SHCBP1L: variants seen among roughly 807,000 people sequenced by gnomAD.
The protein encoded by SHCBP1L is testicular spindle-associated protein SHCBP1L.
Under a neutral mutation model 62.5 loss-of-function variants are expected in SHCBP1L, and 67 were observed. That is an observed-to-expected ratio of 1.07 (90% CI 0.88 to 1.31). SHCBP1L has a LOEUF of 1.31. Ranked by LOEUF, SHCBP1L falls within the 40% of genes most tolerant of loss-of-function variation. SHCBP1L has a pLI of 0.00. For synonymous variants in SHCBP1L, 284 were observed against 289.4 expected (o/e 0.98, Z 0.19); for missense variants, 823 against 809.8 (o/e 1.02, Z -0.20).
chr1:182,920,516 G>A (rs1650495851), intron 6 of SHCBP1L, among the ~76,000 whole-genome samples: 1 of 152,214 alleles, frequency 6.6e-6, no homozygotes, highest in African/African-American at 2.4e-5. Flanking sequence ...AAGCCAGAGT[G>A]TCTTCTTACC....
chr1:182,940,010 G>A (rs1160955644), intron 3 of SHCBP1L, among the ~76,000 whole-genome samples: 4 of 151,982 alleles, frequency 2.6e-5, no homozygotes, highest in African/African-American at 7.2e-5. Flanking sequence ...AGAAATGAAT[G>A]TTAATAAATT....
At position 182,900,125 on chromosome 1, in the gene SHCBP1L, T is replaced by C. The variant is rs920134006; in HGVS notation, c.1820A>G (p.Glu607Gly). 6.2e-7 allele frequency: 1 copy of C among 1,612,620 alleles called. No homozygotes were observed. The highest frequency in any genetic ancestry group is 8.5e-7 in the Non-Finnish European group (1 of 1,179,202). ...TGAAGAAGCCCTTTTGTTGAGAGCTTCTTCTGCTACGATAAAAAACTGTTC... is the reference window on the plus strand; with the variant it reads ...TGAAGAAGCCCTTTTGTTGAGAGCTCCTTCTGCTACGATAAAAAACTGTTC... ...PMEQFFIVAE[E>G]ALNKRASSGD... is the part of the protein sequence containing the mutation. The change falls in exon 10 of 10, where the codon GAA (glutamate) becomes GGA (glycine). Residue 607 changes from glutamate to glycine, a missense_variant. Transcript: ENST00000367547.
At position 182,951,398 on chromosome 1, in the gene SHCBP1L, C is replaced by G; in HGVS notation, c.475G>C (p.Gly159Arg). The G allele has an allele frequency of 6.2e-7, 1 of 1,609,524 alleles. No individual in the cohort carries two copies. The highest frequency in any genetic ancestry group is 1.3e-5 in the African/African-American group (1 of 74,962). The change falls in exon 2 of 10, where the codon GGA becomes CGA. Residue 159 changes from glycine (G) to arginine (R), a missense_variant. By Grantham distance (125) the Gly-to-Arg change is moderately radical. Transcript: ENST00000367547. ...EKLKLKDKWL[G>R]VWKTNPSVFF... ...ACACTGGGATTAGTCTTCCAGACTCCAAGCCATTTGTCTTTCAACTTTAAT... is the reference window on the plus strand; with the variant it reads ...ACACTGGGATTAGTCTTCCAGACTCGAAGCCATTTGTCTTTCAACTTTAAT...
At chr1:182,948,089 A>G (rs1032735183) in intron 2 of SHCBP1L, among the ~76,000 whole-genome samples, 38 of 152,252 alleles carry the variant, frequency 2.5e-4, no homozygotes, top group African/African-American at 9.2e-4. Flanking sequence ...ATACGATATC[A>G]GCAAGGCTTC....
chr1:182,920,578 GAC>G (rs1650498894), intron 6 of SHCBP1L, among the ~76,000 whole-genome samples: 1 of 152,160 alleles, frequency 6.6e-6, no homozygotes, highest in Non-Finnish European at 1.5e-5. Flanking sequence ...AGGCTGAAAT[GAC>G]AGACAGAATA....
At position 182,940,310 on chromosome 1, in the gene SHCBP1L, A is replaced by G. The variant is rs113410294; in HGVS notation, c.770+19T>C. ...TTGGATATAATAAATTTAATTTTCA[A>G]AAGTAAAGGCCCTAATACCTGACAA... On this transcript the variant is annotated intron_variant, in intron 3 of 9. Transcript: ENST00000367547. The G allele has an allele frequency of 3.8e-6, 6 of 1,584,614 alleles. No individual in the cohort carries two copies. The highest frequency in any genetic ancestry group is 1.4e-5 in the African/African-American group (1 of 73,566).
chr1:182,902,430 T>C (rs199671531), intron 9 of SHCBP1L, among the ~76,000 whole-genome samples: 105 of 152,262 alleles, frequency 6.9e-4, no homozygotes, highest in Non-Finnish European at 1.1e-3. Context: ...TAATATATAA[T>C]ACAATTCCTT....
At chr1:182,931,943 ATT>A (rs1164377476) in intron 5 of SHCBP1L, among the ~76,000 whole-genome samples, 7 of 69,676 alleles carry the variant, frequency 1.0e-4, no homozygotes, top group South Asian at 1.3e-3. Flanking sequence ...GGAACCACTG[ATT>A]TTTTTTTTTT....
intron 5 of SHCBP1L, among the ~76,000 whole-genome samples, chr1:182,936,061 T>TTG (rs1651156986): frequency 6.6e-6 from 1 of 151,978 alleles, no homozygotes; most frequent in South Asian, 2.1e-4. Flanking sequence ...GAGGTTGCAC[T>TTG]TGTCCTTTGT....
chr1:182,928,978 A>G (rs1314785496), intron 6 of SHCBP1L, among the ~76,000 whole-genome samples: 1 of 152,166 alleles, frequency 6.6e-6, no homozygotes, highest in African/African-American at 2.4e-5. Context: ...CATTTAGAGG[A>G]CATGAGAAAA....
chr1:182,913,332 C>A (rs1004154493), intron 6 of SHCBP1L, among the ~76,000 whole-genome samples: 3 of 152,094 alleles, frequency 2.0e-5, no homozygotes, highest in African/African-American at 7.2e-5. Context: ...GGCTGAGTCT[C>A]CAACCTGTAG....
chr1:182,928,223 G>A (rs148479046), intron 6 of SHCBP1L, among the ~76,000 whole-genome samples: 13 of 151,812 alleles, frequency 8.6e-5, no homozygotes, highest in Admixed American at 6.6e-5. Context: ...GCCTTCTTTC[G>A]GTTCCTCATA....
chr1:182,914,737 A>G (rs192886453), intron 6 of SHCBP1L, among the ~76,000 whole-genome samples: 4 of 152,362 alleles, frequency 2.6e-5, no homozygotes, highest in African/African-American at 9.6e-5. Flanking sequence ...TATTACTTGT[A>G]GGAAAAACAG....
chr1:182,937,011 G>A (rs368550739), intron 5 of SHCBP1L, among the ~76,000 whole-genome samples: 14 of 152,050 alleles, frequency 9.2e-5, no homozygotes, highest in Admixed American at 5.2e-4. Flanking sequence ...CCATGATCAC[G>A]TCACTGCACT....
Position 182,899,961 on chromosome 1 carries a change from C to A in SHCBP1L, c.*22G>T. ...TTAAACAAATTTGTGAAATATAAAA[C>A]TTTAACATCAATTCAGACGCTTTAA... On this transcript the variant is annotated 3_prime_UTR_variant, in exon 10 of 10. Transcript: ENST00000367547. The A allele has an allele frequency of 6.5e-7, 1 of 1,549,320 alleles. No individual in the cohort carries two copies. Among genetic ancestry groups the A allele is most frequent in the Non-Finnish European group, 8.7e-7 (1 of 1,149,548 alleles).
intron 6 of SHCBP1L, among the ~76,000 whole-genome samples, chr1:182,919,428 T>C (rs751429026): frequency 9.9e-5 from 15 of 152,222 alleles, no homozygotes; most frequent in East Asian, 1.9e-4. Flanking sequence ...ATAGGGGCAT[T>C]GATCCATTTG....
At chr1:182,928,762 G>A (rs1193052830) in intron 6 of SHCBP1L, among the ~76,000 whole-genome samples, 1 of 152,092 alleles carries the variant, frequency 6.6e-6, no homozygotes, top group Non-Finnish European at 1.5e-5. Flanking sequence ...GAAATTAATT[G>A]CAGACAATTA....
intron 5 of SHCBP1L, 39 bp from the exon 6 acceptor site, chr1:182,929,791 G>A (rs753303480): frequency 2.2e-6 from 3 of 1,337,550 alleles, no homozygotes. Context: ...AAATTAACAT[G>A]AAAAAGACTG....
intron 6 of SHCBP1L, among the ~76,000 whole-genome samples, chr1:182,926,663 T>A (rs1405273750): frequency 5.9e-5 from 9 of 152,018 alleles, no homozygotes; most frequent in Non-Finnish European, 1.5e-5. Context: ...AACATCACAC[T>A]ATACCGTCTC....
Sources: allele counts gnomAD v4.1 joint callset (sites outside exome capture counted in the v4.1 genomes callset), GRCh38; gene constraint gnomAD v4.1.1; transcripts MANE v1.5; gene names NCBI Gene and HGNC (gene_info 2026-07-23, HGNC 2026-07-21).